Variants in TMEM192 observed in about 807,000 individuals in gnomAD.
The protein encoded by TMEM192 is transmembrane protein 192.
Under a neutral mutation model 26.7 loss-of-function variants are expected in TMEM192, and 20 were observed. The ratio of observed to expected loss-of-function variants is 0.75; its 90% CI spans 0.53 to 1.09. TMEM192 has a LOEUF of 1.09. TMEM192 is among the 50% of genes least tolerant of loss of function. TMEM192 has a pLI of 0.00. For missense variants in TMEM192, 304 were observed against 322.6 expected (o/e 0.94, Z 0.44); for synonymous variants, 124 against 121.0 (o/e 1.02, Z -0.16).
intron 1 of TMEM192, among the ~76,000 whole-genome samples, chr4:165,105,071 C>T (rs1055155348): frequency 1.3e-5 from 2 of 152,138 alleles, no homozygotes; most frequent in African/African-American, 4.8e-5. Flanking sequence ...TTGTGCCACC[C>T]TCCATGTTTT....
In TMEM192 at chr4:165,077,690, A is replaced by T. The variant is rs1166976369; in HGVS notation, c.*1968T>A. 6.6e-6 allele frequency: 1 copy of T among 152,254 alleles called. No homozygotes were observed. The highest frequency in any genetic ancestry group is 1.9e-4 in the East Asian group (1 of 5,204). The allele number at this position is 152,254 out of a possible 1,614,324, so 9.4% of individuals were successfully genotyped here. On this transcript the variant is annotated 3_prime_UTR_variant, in exon 6 of 6. Coordinates refer to ENST00000306480, the MANE Select transcript of TMEM192 (RefSeq NM_001100389.2). The stretch of plus-strand genomic sequence containing the variant: ...ATCCCGGGAGGCGGAGGTTGCAGTG[A>T]GCCGAGATCATGCTACTGCGCTCCA...
rs1482337121 is a variant in TMEM192, at chr4:165,072,701, GCTGATTAACTGT to G, written c.*6945_*6956del. On this transcript the variant is annotated 3_prime_UTR_variant, in exon 6 of 6. Transcript: ENST00000306480. ...TTTAAAGGAAAAGCCAGCAGGATTTGCTGATTAACTGTCTATAGGGTTTGAGAGAAAGAGGAG... is the reference window on the plus strand; with the variant it reads ...TTTAAAGGAAAAGCCAGCAGGATTTGCTATAGGGTTTGAGAGAAAGAGGAG... 1 of 152,242 alleles carries G rather than the reference GCTGATTAACTGT, an allele frequency of 6.6e-6. No individual in the cohort carries two copies. Among genetic ancestry groups the G allele is most frequent in the East Asian group, 1.9e-4 (1 of 5,206 alleles). The allele number at this position is 152,242 out of a possible 1,614,324, so 9.4% of individuals were successfully genotyped here.
chr4:165,112,162 A>T (rs1235977252), intron 1 of TMEM192, among the ~76,000 whole-genome samples: 6 of 152,146 alleles, frequency 3.9e-5, no homozygotes, highest in Admixed American at 3.9e-4. Context: ...ACCATGCTAG[A>T]TTCAAAACAA....
chr4:165,086,609 G>A (rs1024891818), intron 4 of TMEM192, among the ~76,000 whole-genome samples: 2 of 151,908 alleles, frequency 1.3e-5, no homozygotes, highest in African/African-American at 4.8e-5. Context: ...ATTTTCAGTA[G>A]AGACGGTGTT....
At chr4:165,101,726 C>T (rs757221799) in intron 2 of TMEM192, among the ~76,000 whole-genome samples, 5 of 152,130 alleles carry the variant, frequency 3.3e-5, no homozygotes, top group Non-Finnish European at 5.9e-5. Flanking sequence ...CATGGTGGAG[C>T]CATACCACAG....
Position 165,078,700 on chromosome 4 carries a change from G to C in TMEM192, c.*958C>G, listed in dbSNP as rs1734444862. The C allele has an allele frequency of 6.6e-6, 1 of 152,248 alleles. No homozygotes were observed. Among genetic ancestry groups the C allele is most frequent in the South Asian group, 2.1e-4 (1 of 4,832 alleles). The allele number at this position is 152,248 out of a possible 1,614,324, so 9.4% of individuals were successfully genotyped here. A position where few individuals can be genotyped will look rare whatever the true frequency, so the allele number is the denominator to read the frequency against. On this transcript the variant is annotated 3_prime_UTR_variant, in exon 6 of 6. Coordinates refer to ENST00000306480, the MANE Select transcript of TMEM192 (RefSeq NM_001100389.2). ...TCAGCTATTGCTAATGGAAGGTGCT[G>C]CCAATATAATAGGCAACACAGGTTC...
rs559758958 is a variant in TMEM192, at chr4:165,090,971, C to T, written c.440-2369G>A. The stretch of plus-strand genomic sequence containing the variant: ...GTATATAGCTGGTAGGTCAGAAGTA[C>T]GGGAAGCATAGTGGCCAGGCACGGT... On this transcript the variant is annotated intron_variant, in intron 3 of 5. Coordinates refer to ENST00000306480, the MANE Select transcript of TMEM192 (RefSeq NM_001100389.2). Among the ~76,000 whole-genome samples, 157 of 136,096 alleles carry T rather than the reference C, an allele frequency of 1.2e-3. 1 individual carries two copies. Among genetic ancestry groups the T allele is most frequent in the African/African-American group, 4.1e-3 (154 of 37,242 alleles). The allele number at this position is 136,096 out of a possible 152,430, so 89.3% of individuals were successfully genotyped here.
At position 165,077,159 on chromosome 4, in the gene TMEM192, G is replaced by A. The variant is rs1161226616; in HGVS notation, c.*2499C>T. On this transcript the variant is annotated 3_prime_UTR_variant, in exon 6 of 6. Transcript: ENST00000306480. Reference sequence around the variant, plus strand: ...TTTATTGTTTGAAATGTTCATCATTGCATTCAGAAAAATGTTGATGATTAT... The same window carrying A: ...TTTATTGTTTGAAATGTTCATCATTACATTCAGAAAAATGTTGATGATTAT... 1.3e-5 allele frequency: 2 copies of A among 152,150 alleles called. No homozygotes were observed. The highest frequency in any genetic ancestry group is 2.9e-5 in the Non-Finnish European group (2 of 68,038). 9.4% of individuals were successfully genotyped at this position (152,150 alleles called of 1,614,324 possible). A position where few individuals can be genotyped will look rare whatever the true frequency, so the allele number is the denominator to read the frequency against.
At chr4:165,102,504 C>G (rs1222897211) in intron 2 of TMEM192, among the ~76,000 whole-genome samples, 1 of 152,138 alleles carries the variant, frequency 6.6e-6, no homozygotes, top group East Asian at 1.9e-4. Flanking sequence ...TAGGAACATT[C>G]TGTACACAAG....
intron 1 of TMEM192, among the ~76,000 whole-genome samples, chr4:165,105,890 C>A (rs1735148737): frequency 6.6e-6 from 1 of 152,172 alleles, no homozygotes; most frequent in Non-Finnish European, 1.5e-5. Context: ...GTAATTAAGC[C>A]ATGAGGGTTC....
At chr4:165,087,645 A>G (rs2110750906) in intron 4 of TMEM192, among the ~76,000 whole-genome samples, 1 of 152,068 alleles carries the variant, frequency 6.6e-6, no homozygotes, top group South Asian at 2.1e-4. Flanking sequence ...GCAGATGAAT[A>G]TATACAATTT....
intron 4 of TMEM192, among the ~76,000 whole-genome samples, chr4:165,087,133 A>G (rs1425065798): frequency 2.0e-5 from 3 of 152,096 alleles, no homozygotes. Context: ...AATAAAGAAA[A>G]TGCCTTTTAT....
intron 1 of TMEM192, among the ~76,000 whole-genome samples, chr4:165,105,839 A>T (rs1735148060): frequency 6.6e-6 from 1 of 152,158 alleles, no homozygotes; most frequent in Admixed American, 6.5e-5. Flanking sequence ...TATGGTCTAA[A>T]TGTTGGTGTC....
chr4:165,086,621 C>T (rs1444853224), intron 4 of TMEM192, among the ~76,000 whole-genome samples: 2 of 152,024 alleles, frequency 1.3e-5, no homozygotes, highest in Non-Finnish European at 2.9e-5. Context: ...GACGGTGTTT[C>T]ACCATGTTGG....
chr4:165,079,401 A>G lies in TMEM192; in HGVS notation c.*257T>C. ...TTAGCCTCTGATCCTAGGATAAACC[A>G]AGCAGTTAAATAATTTCCAAAAGTA... On this transcript the variant is annotated 3_prime_UTR_variant, in exon 6 of 6. Transcript: ENST00000306480. 2.6e-6 allele frequency: 1 copy of G among 383,146 alleles called. No individual in the cohort carries two copies. The highest frequency in any genetic ancestry group is 4.7e-6 in the Non-Finnish European group (1 of 214,954). 23.7% of individuals were successfully genotyped at this position (383,146 alleles called of 1,614,324 possible).
At position 165,072,131 on chromosome 4, in the gene TMEM192, G is replaced by A. The variant is rs1734284021; in HGVS notation, c.*7527C>T. 6.6e-6 allele frequency: 1 copy of A among 152,158 alleles called. No individual in the cohort carries two copies. The highest frequency in any genetic ancestry group is 1.5e-5 in the Non-Finnish European group (1 of 68,144). The allele number at this position is 152,158 out of a possible 1,614,324, so 9.4% of individuals were successfully genotyped here. ...CCAGCTACTCAGGAGGCTGAGGAAG[G>A]AGAATTGCTTGAACCTGGGCAGCGG... On this transcript the variant is annotated 3_prime_UTR_variant, in exon 6 of 6. Transcript: ENST00000306480.
intron 5 of TMEM192, among the ~76,000 whole-genome samples, chr4:165,080,531 G>A (rs1734496554): frequency 6.6e-6 from 1 of 152,038 alleles, no homozygotes. Context: ...TATTGGATGT[G>A]TTTTACTCAG....
chr4:165,100,022 A>G (rs1187892814), intron 3 of TMEM192, among the ~76,000 whole-genome samples: 2 of 152,198 alleles, frequency 1.3e-5, no homozygotes, highest in Non-Finnish European at 2.9e-5. Context: ...CAGCATTTCT[A>G]TCTTTATGAG....
chr4:165,096,097 C>T (rs905436956), intron 3 of TMEM192, among the ~76,000 whole-genome samples: 1 of 151,612 alleles, frequency 6.6e-6, no homozygotes, highest in Non-Finnish European at 1.5e-5. Flanking sequence ...GCACCTGGCC[C>T]AAATACATTT....
Sources: allele counts gnomAD v4.1 joint callset (sites outside exome capture counted in the v4.1 genomes callset), GRCh38; gene constraint gnomAD v4.1.1; transcripts MANE v1.5; gene names NCBI Gene and HGNC (gene_info 2026-07-23, HGNC 2026-07-21).